The following FAM200B variants were observed in gnomAD, a reference collection of about 807,000 sequenced individuals.
FAM200B encodes the protein zinc finger BED-type containing 11.
In FAM200B, 32 loss-of-function variants were observed where a neutral mutation model predicts 33.1. The ratio of observed to expected loss-of-function variants is 0.97; its 90% CI spans 0.73 to 1.30. FAM200B has a LOEUF of 1.30. Ranked by LOEUF, FAM200B falls within the 50% of genes most tolerant of loss-of-function variation. FAM200B has a pLI of 0.00. For missense variants in FAM200B, 741 were observed against 754.0 expected (o/e 0.98, Z 0.20); for synonymous variants, 240 against 264.8 (o/e 0.91, Z 0.91).
upstream of FAM200B, among the ~76,000 whole-genome samples, chr4:15,677,562 G>A (rs181984551): frequency 6.6e-6 from 1 of 152,232 alleles, no homozygotes; most frequent in East Asian, 1.9e-4. Flanking sequence ...TCAAATAAGT[G>A]ACTAGTGATT....
At chr4:15,639,644 T>C in the FAM200B span, among the ~76,000 whole-genome samples, 3 of 152,344 alleles carry the variant, frequency 2.0e-5, no homozygotes, top group African/African-American at 4.8e-5. Context: ...ATGGATATCA[T>C]ACAGTTAAAA....
rs1718905668 is a variant in FAM200B at position 15,686,960 on chromosome 4, G to T, written c.-18G>T. The stretch of plus-strand genomic sequence containing the variant: ...CAATTATAACATTTTAATCAAACTG[G>T]AACAAATTGCTATTAAAATGGATCA... On this transcript the variant is annotated 5_prime_UTR_variant, in exon 2 of 2. Coordinates refer to ENST00000422728, the MANE Select transcript of FAM200B (RefSeq NM_001145191.2). The T allele has an allele frequency of 3.2e-6, 4 of 1,252,346 alleles. No individual in the cohort carries two copies. Among genetic ancestry groups the T allele is most frequent in the South Asian group, 3.8e-5 (2 of 52,374 alleles). 77.6% of individuals were successfully genotyped at this position (1,252,346 alleles called of 1,614,324 possible).
the FAM200B span, among the ~76,000 whole-genome samples, chr4:15,650,700 C>A: frequency 8.3e-6 from 1 of 121,146 alleles, no homozygotes; most frequent in Admixed American, 1.1e-4. Context: ...CAGAGTCTCA[C>A]TCTGTCGCCC....
the FAM200B span, among the ~76,000 whole-genome samples, chr4:15,667,484 T>C: frequency 5.3e-5 from 8 of 152,180 alleles, no homozygotes; most frequent in Non-Finnish European, 8.8e-5. Flanking sequence ...TCAAATGGAA[T>C]AGTATTCCAT....
chr4:15,652,842 T>C, the FAM200B span, among the ~76,000 whole-genome samples: 4 of 152,170 alleles, frequency 2.6e-5, no homozygotes, highest in African/African-American at 7.2e-5. Context: ...CTTTTTAGTC[T>C]GAGCATAAAA....
chr4:15,688,148 C>T lies in FAM200B; in HGVS notation c.1171C>T (p.Gln391Ter). Residue 391 changes from glutamine to a stop codon, truncating the protein, a stop_gained, in exon 2 of 2, where the codon CAA (glutamine) becomes TAA (stop). Coordinates refer to ENST00000422728, the MANE Select transcript of FAM200B (RefSeq NM_001145191.2). LOFTEE classifies it high-confidence loss of function. ...TCATACCAAAATTCGTTGGTTGTCT[C>T]AAGGGAAAATACTAAGCAGGGTTTA... ...LYHTKIRWLS[Q>*]GKILSRVYEL... The T allele has an allele frequency of 6.4e-7, 1 of 1,551,064 alleles. No homozygotes were observed. The highest frequency in any genetic ancestry group is 8.7e-7 in the Non-Finnish European group (1 of 1,146,668).
upstream of FAM200B, among the ~76,000 whole-genome samples, chr4:15,678,328 C>T (rs756066568): frequency 6.6e-6 from 1 of 152,058 alleles, no homozygotes; most frequent in Non-Finnish European, 1.5e-5. Flanking sequence ...GGCTTATTTC[C>T]CAATAACTTA....
the FAM200B span, among the ~76,000 whole-genome samples, chr4:15,658,446 T>A: frequency 1.3e-5 from 2 of 152,194 alleles, no homozygotes; most frequent in Non-Finnish European, 2.9e-5. Flanking sequence ...GGTGATTGGG[T>A]CATGAAAGTT....
the FAM200B span, among the ~76,000 whole-genome samples, chr4:15,665,178 A>G: frequency 1.3e-5 from 2 of 152,164 alleles, no homozygotes; most frequent in African/African-American, 4.8e-5. Context: ...CTGCCAATGT[A>G]GGAAAGAATG....
At chr4:15,655,375 T>C in the FAM200B span, 2 of 1,101,050 alleles carry the variant, frequency 1.8e-6, no homozygotes, top group African/African-American at 3.4e-5. Flanking sequence ...GCGCGCCCCC[T>C]TGCGCATGCG....
the FAM200B span, among the ~76,000 whole-genome samples, chr4:15,637,884 C>T: frequency 6.7e-6 from 1 of 148,154 alleles, no homozygotes; most frequent in African/African-American, 2.5e-5. Context: ...TAAATAATTA[C>T]TGAGGAACTA....
the FAM200B span, among the ~76,000 whole-genome samples, chr4:15,650,218 C>T: frequency 6.6e-6 from 1 of 152,236 alleles, no homozygotes; most frequent in East Asian, 1.9e-4. Context: ...AAGAAATCAT[C>T]TGCCTCAAAA....
At chr4:15,675,871 C>T in the FAM200B span, among the ~76,000 whole-genome samples, 1 of 152,156 alleles carries the variant, frequency 6.6e-6, no homozygotes. Flanking sequence ...GCATGAGCCA[C>T]CGCGCCCAGC....
Position 15,687,960 on chromosome 4 carries a change from T to C in FAM200B, c.983T>C (p.Ile328Thr). Residue 328 changes from isoleucine (I) to threonine (T), a missense_variant, in exon 2 of 2, where the codon ATA becomes ACA. Coordinates refer to ENST00000422728, the MANE Select transcript of FAM200B (RefSeq NM_001145191.2). ...GGTGCTGTGTGGAATCATTGTTTTA[T>C]ACATCGTGAAGGTTTAGCATCCAGA... is the stretch of plus-strand genomic sequence containing the variant. ...NNGAVWNHCFIHREGLASREI... is the reference protein window; with the variant it reads ...NNGAVWNHCFTHREGLASREI... The C allele has an allele frequency of 6.4e-7, 1 of 1,551,284 alleles. No individual in the cohort carries two copies. Among genetic ancestry groups the C allele is most frequent in the Non-Finnish European group, 8.7e-7 (1 of 1,146,698 alleles).
chr4:15,648,328 C>A, the FAM200B span, among the ~76,000 whole-genome samples: 1 of 152,060 alleles, frequency 6.6e-6, no homozygotes, highest in African/African-American at 2.4e-5. Flanking sequence ...TATGGAAATT[C>A]CTCAAAAAAT....
the FAM200B span, among the ~76,000 whole-genome samples, chr4:15,670,740 A>G: frequency 6.6e-6 from 1 of 151,612 alleles, no homozygotes; most frequent in African/African-American, 2.4e-5. Context: ...GCCTGCAGGC[A>G]GTAAAATAGC....
chr4:15,645,507 A>G, the FAM200B span, among the ~76,000 whole-genome samples: 1 of 151,998 alleles, frequency 6.6e-6, no homozygotes, highest in Non-Finnish European at 1.5e-5. Context: ...AGCTCACTGC[A>G]GACTCTGCCT....
At chr4:15,661,694 T>C in the FAM200B span, among the ~76,000 whole-genome samples, 1 of 152,222 alleles carries the variant, frequency 6.6e-6, no homozygotes, top group African/African-American at 2.4e-5. Flanking sequence ...ACCCAAAACT[T>C]GAATGGCTTA....
upstream of FAM200B, among the ~76,000 whole-genome samples, chr4:15,678,720 C>T (rs1384422218): frequency 6.6e-6 from 1 of 152,100 alleles, no homozygotes; most frequent in Non-Finnish European, 1.5e-5. Flanking sequence ...CTTAACAAAT[C>T]AGCTTTTAAT....
Sources: allele counts gnomAD v4.1 joint callset (sites outside exome capture counted in the v4.1 genomes callset), GRCh38; gene constraint gnomAD v4.1.1; transcripts MANE v1.5; gene names NCBI Gene and HGNC (gene_info 2026-07-23, HGNC 2026-07-21).